Variants in FAM135B observed in about 807,000 individuals in gnomAD.
The protein encoded by FAM135B is family with sequence similarity 135 member B.
In FAM135B, 43 loss-of-function variants were observed where a neutral mutation model predicts 127.7. The ratio of observed to expected loss-of-function variants is 0.34; its 90% CI spans 0.26 to 0.43. FAM135B has a LOEUF of 0.43. FAM135B is among the 20% of genes least tolerant of loss of function. FAM135B has a pLI of 1.00. For synonymous variants in FAM135B, 670 were observed against 665.1 expected, an observed-to-expected ratio of 1.01 and a Z score of -0.11; for missense variants, 1,558 against 1,725.6, an observed-to-expected ratio of 0.90 and a Z score of 1.72.
At chr8:138,237,150 A>ATTTTTTTTTTTTTTTTTTT (rs10604150) in intron 7 of FAM135B, among the ~76,000 whole-genome samples, 5 of 101,320 alleles carry the variant, frequency 4.9e-5, no homozygotes, top group Non-Finnish European at 5.6e-5. Context: ...TGGATCCTTG[A>ATTTTTTTTTTTTTTTTTTT]TTTTTTTTTT....
chr8:138,269,291 A>G (rs1234815565), intron 3 of FAM135B, among the ~76,000 whole-genome samples: 3 of 152,204 alleles, frequency 2.0e-5, no homozygotes, highest in Admixed American at 2.0e-4. Context: ...AATACAAAAT[A>G]CAGGTATTAT....
At chr8:138,396,056 G>A (rs1453248364) in intron 1 of FAM135B, among the ~76,000 whole-genome samples, 1 of 152,186 alleles carries the variant, frequency 6.6e-6, no homozygotes. Flanking sequence ...CTGTTTATGT[G>A]CCTCAATTTA....
chr8:138,179,409 G>A (rs540658839), intron 9 of FAM135B, among the ~76,000 whole-genome samples: 1 of 152,246 alleles, frequency 6.6e-6, no homozygotes, highest in East Asian at 1.9e-4. Context: ...ATCTAATCCT[G>A]CCAGATACCC....
chr8:138,352,656 C>T (rs1190356066), intron 2 of FAM135B, among the ~76,000 whole-genome samples: 2 of 152,190 alleles, frequency 1.3e-5, no homozygotes, highest in East Asian at 3.9e-4. Context: ...GCATCCATGC[C>T]TATGTCTTAC....
chr8:138,327,717 C>T (rs932630876), intron 2 of FAM135B, among the ~76,000 whole-genome samples: 6 of 152,158 alleles, frequency 3.9e-5, no homozygotes, highest in Non-Finnish European at 7.3e-5. Flanking sequence ...CTTGGAGGAG[C>T]TTACAGTCTA....
At chr8:138,483,021 C>CTTTAATATAGTA (rs2131683247) in intron 1 of FAM135B, among the ~76,000 whole-genome samples, 1 of 152,064 alleles carries the variant, frequency 6.6e-6, no homozygotes, top group African/African-American at 2.4e-5. Context: ...GACTTAGGTG[C>CTTTAATATAGTA]CTCAATGAAT....
intron 3 of FAM135B, among the ~76,000 whole-genome samples, chr8:138,299,560 T>C (rs1825720644): frequency 6.7e-6 from 1 of 148,832 alleles, no homozygotes; most frequent in Non-Finnish European, 1.5e-5. Context: ...GAGATACGCA[T>C]GCATGTATAC....
At chr8:138,451,808 T>G (rs148828106) in intron 1 of FAM135B, among the ~76,000 whole-genome samples, 3 of 152,120 alleles carry the variant, frequency 2.0e-5, no homozygotes, top group African/African-American at 7.2e-5. Context: ...TCCAAAAATA[T>G]TGGGTAAAAA....
intron 1 of FAM135B, among the ~76,000 whole-genome samples, chr8:138,476,776 T>A (rs547450209): frequency 6.6e-6 from 1 of 152,290 alleles, no homozygotes; most frequent in African/African-American, 2.4e-5. Flanking sequence ...ATCTGACCAC[T>A]GGATAAATTT....
chr8:138,289,903 G>A (rs188677576), intron 3 of FAM135B, among the ~76,000 whole-genome samples: 2 of 152,200 alleles, frequency 1.3e-5, no homozygotes, highest in African/African-American at 4.8e-5. Flanking sequence ...ACACCCAGTG[G>A]CACCATCAGA....
rs1006036901 is a variant in FAM135B, at chr8:138,336,163, T to C, written c.78-25243A>G. ...CCCACAAGAGAAAGCAGGAAAGATC[T>C]AAAATTGACACCCTAACATCACAAT... On this transcript the variant is annotated intron_variant, in intron 2 of 19. Transcript: ENST00000395297. Among the ~76,000 whole-genome samples the C allele has an allele frequency of 2.1e-4, 32 of 151,950 alleles. 1 individual carries two copies. Among genetic ancestry groups the C allele is most frequent in the Middle Eastern group, 6.8e-3 (2 of 294 alleles).
chr8:138,298,302 A>G (rs1825619918), intron 3 of FAM135B, among the ~76,000 whole-genome samples: 1 of 152,202 alleles, frequency 6.6e-6, no homozygotes, highest in Non-Finnish European at 1.5e-5. Context: ...GAAGTCACCT[A>G]AAGAAAAAAA....
chr8:138,240,344 T>A (rs539208531), intron 7 of FAM135B, among the ~76,000 whole-genome samples: 1 of 152,148 alleles, frequency 6.6e-6, no homozygotes, highest in Admixed American at 6.5e-5. Context: ...TGGTCTATCA[T>A]GTGTGCCATT....
rs983633827 is a variant in FAM135B, at chr8:138,396,917, A to T, written c.-19-28915T>A. Among the ~76,000 whole-genome samples the T allele has an allele frequency of 2.0e-5, 3 of 152,226 alleles. No individual in the cohort carries two copies. The East Asian group carries it at 5.8e-4, about 29-fold the overall frequency. On this transcript the variant is annotated intron_variant, in intron 1 of 19. Coordinates refer to ENST00000395297, the MANE Select transcript of FAM135B (RefSeq NM_015912.4). The stretch of plus-strand genomic sequence containing the variant: ...GCCCCTAATTATGTATCCATAAGAC[A>T]AATGTGGCTCATTCCATCACAGAAC...
At chr8:138,438,116 C>T (rs1835557125) in intron 1 of FAM135B, 1 of 152,150 alleles carries the variant, frequency 6.6e-6, no homozygotes, top group South Asian at 2.1e-4. Context: ...TAAAAGGTTT[C>T]TAGCAATTCA....
At chr8:138,187,331 C>T (rs1040863272) in intron 9 of FAM135B, among the ~76,000 whole-genome samples, 8 of 152,190 alleles carry the variant, frequency 5.3e-5, no homozygotes, top group Non-Finnish European at 1.0e-4. Context: ...GCCAGGCTCC[C>T]TCCCTTTTTC....
At chr8:138,276,111 T>TTTCTGAGAAGGGTACAGCCAA (rs1294799377) in intron 3 of FAM135B, among the ~76,000 whole-genome samples, 1 of 152,102 alleles carries the variant, frequency 6.6e-6, no homozygotes, top group African/African-American at 2.4e-5. Context: ...AACATGGGGC[T>TTTCTGAGAAGGGTACAGCCAA]TTCTGAGAAG....
intron 9 of FAM135B, among the ~76,000 whole-genome samples, chr8:138,191,687 A>C (rs576109822): frequency 1.3e-5 from 2 of 152,188 alleles, no homozygotes; most frequent in South Asian, 4.1e-4. Context: ...CATGGGCCAA[A>C]AGATGAATGG....
chr8:138,359,254 C>T (rs1830267566), intron 2 of FAM135B, among the ~76,000 whole-genome samples: 1 of 152,080 alleles, frequency 6.6e-6, no homozygotes, highest in Admixed American at 6.6e-5. Flanking sequence ...AACAAGGCTA[C>T]CTACCCCTTT....
Sources: gnomAD v4.1 joint callset for allele counts (sites outside exome capture counted in the v4.1 genomes callset) on GRCh38, gnomAD v4.1.1 for gene constraint, MANE v1.5 for transcripts, NCBI Gene and HGNC (gene_info 2026-07-23, HGNC 2026-07-21) for gene names.